The following SAMD5 variants were observed in gnomAD, a reference collection of about 807,000 sequenced individuals.
SAMD5 encodes the protein sterile alpha motif domain containing 5.
In SAMD5, 13 loss-of-function variants were observed where a neutral mutation model predicts 11.3. That is an observed-to-expected ratio of 1.15 (90% CI 0.75 to 1.83). The LOEUF (loss-of-function observed/expected upper bound fraction) is 1.83, where lower values mean the gene tolerates loss of function less well. Ranked by LOEUF, SAMD5 falls within the 40% of genes most tolerant of loss-of-function variation. The pLI is 0.00. For synonymous variants in SAMD5, 129 were observed against 111.3 expected (o/e 1.16, Z -1.00); for missense variants, 255 against 239.1 (o/e 1.07, Z -0.44).
At chr6:147,560,906 A>G (rs1049858139) in intron 1 of SAMD5, among the ~76,000 whole-genome samples, 3 of 152,164 alleles carry the variant, frequency 2.0e-5, no homozygotes, top group Non-Finnish European at 4.4e-5. Flanking sequence ...GAAAGTCACA[A>G]CCCAAGAATT....
chr6:147,912,941 G>T, the SAMD5 span, among the ~76,000 whole-genome samples: 1 of 151,892 alleles, frequency 6.6e-6, no homozygotes. Flanking sequence ...AATGAAGTTG[G>T]TTATCCTCAA....
chr6:147,605,983 T>C (rs1199068483), intron 1 of SAMD5, among the ~76,000 whole-genome samples: 3 of 152,162 alleles, frequency 2.0e-5, no homozygotes, highest in Non-Finnish European at 4.4e-5. Flanking sequence ...AGATATTTGA[T>C]GAACGCATGA....
At chr6:147,588,955 C>CATT (rs912672136) in intron 1 of SAMD5, among the ~76,000 whole-genome samples, 126 of 151,522 alleles carry the variant, frequency 8.3e-4, no homozygotes, top group African/African-American at 1.9e-3. Flanking sequence ...GTGGTCCTGG[C>CATT]ATTATTATTA....
chr6:147,657,498 GA>G (rs1470728130), intron 1 of SAMD5, among the ~76,000 whole-genome samples: 4 of 152,178 alleles, frequency 2.6e-5, no homozygotes, highest in Non-Finnish European at 5.9e-5. Flanking sequence ...AAAGAGAAAT[GA>G]AAGAGAGCAC....
the SAMD5 span, among the ~76,000 whole-genome samples, chr6:147,791,343 C>T: frequency 6.6e-6 from 1 of 152,014 alleles, no homozygotes. Context: ...GATCTCGGCT[C>T]TTTAGGTGAC....
chr6:147,879,854 G>T, the SAMD5 span, among the ~76,000 whole-genome samples: 3 of 152,194 alleles, frequency 2.0e-5, no homozygotes, highest in Non-Finnish European at 4.4e-5. Flanking sequence ...CTAACCCGTG[G>T]CATTGGACAC....
chr6:147,722,409 C>T (rs1432213147), intron 1 of SAMD5, among the ~76,000 whole-genome samples: 1 of 152,088 alleles, frequency 6.6e-6, no homozygotes, highest in Non-Finnish European at 1.5e-5. Context: ...CATGTATTTG[C>T]CAATATTTTA....
chr6:147,850,831 G>A, the SAMD5 span, among the ~76,000 whole-genome samples: 8 of 152,014 alleles, frequency 5.3e-5, no homozygotes, highest in African/African-American at 1.2e-4. Context: ...TAGCAGACTC[G>A]GTGAGCTCAG....
At chr6:147,935,445 A>G in the SAMD5 span, among the ~76,000 whole-genome samples, 2 of 152,198 alleles carry the variant, frequency 1.3e-5, no homozygotes, top group African/African-American at 4.8e-5. Context: ...ATTACTAGTA[A>G]TGTGAAGCAA....
intron 1 of SAMD5, among the ~76,000 whole-genome samples, chr6:147,676,449 T>C (rs1416675982): frequency 6.6e-6 from 1 of 152,240 alleles, no homozygotes; most frequent in Non-Finnish European, 1.5e-5. Context: ...CAGCACTCAT[T>C]ATTTTTCTAT....
chr6:147,747,081 A>G, the SAMD5 span, among the ~76,000 whole-genome samples: 8 of 152,224 alleles, frequency 5.3e-5, no homozygotes, highest in Non-Finnish European at 1.0e-4. Flanking sequence ...GGATGCTGAC[A>G]CTAAAGGTGA....
At chr6:147,899,256 C>T in the SAMD5 span, among the ~76,000 whole-genome samples, 1 of 150,734 alleles carries the variant, frequency 6.6e-6, no homozygotes, top group South Asian at 2.1e-4. Flanking sequence ...ATATTAATGA[C>T]CAGCCTTGGG....
intron 1 of SAMD5, among the ~76,000 whole-genome samples, chr6:147,708,681 A>G (rs1791357661): frequency 6.6e-6 from 1 of 152,182 alleles, no homozygotes; most frequent in Non-Finnish European, 1.5e-5. Context: ...CTTTTTATTT[A>G]AATTAGGCCC....
chr6:147,677,412 G>A (rs190720445), intron 1 of SAMD5, among the ~76,000 whole-genome samples: 44 of 152,268 alleles, frequency 2.9e-4, no homozygotes, highest in South Asian at 6.2e-4. Flanking sequence ...AAGCAGCAAT[G>A]AGTTGGTGTT....
At chr6:147,608,212 T>C (rs185135752) in intron 1 of SAMD5, among the ~76,000 whole-genome samples, 1 of 152,294 alleles carries the variant, frequency 6.6e-6, no homozygotes, top group East Asian at 1.9e-4. Context: ...GCACAAACAC[T>C]ATGGAGAGCA....
At chr6:147,604,479 G>A (rs1048367253) in intron 1 of SAMD5, among the ~76,000 whole-genome samples, 3 of 152,120 alleles carry the variant, frequency 2.0e-5, no homozygotes, top group African/African-American at 4.8e-5. Context: ...ACAAAATCAC[G>A]TTCAAGAGAG....
chr6:147,529,124 T>C (rs1232036825), intron 1 of SAMD5, among the ~76,000 whole-genome samples: 2 of 152,218 alleles, frequency 1.3e-5, no homozygotes, highest in African/African-American at 4.8e-5. Context: ...AGCAAGCACT[T>C]AGTAAACTAT....
chr6:147,768,502 A>G, the SAMD5 span, among the ~76,000 whole-genome samples: 4 of 152,100 alleles, frequency 2.6e-5, no homozygotes, highest in Non-Finnish European at 5.9e-5. Flanking sequence ...CGTCTCAAAC[A>G]AAACAAAACA....
chr6:147,676,478 T>C (rs576811524), intron 1 of SAMD5, among the ~76,000 whole-genome samples: 1 of 152,202 alleles, frequency 6.6e-6, no homozygotes, highest in East Asian at 1.9e-4. Flanking sequence ...ATAGCACTTA[T>C]TGGTAGAGTA....
Sources: gnomAD v4.1 joint callset for allele counts (sites outside exome capture counted in the v4.1 genomes callset) on GRCh38, gnomAD v4.1.1 for gene constraint, MANE v1.5 for transcripts, NCBI Gene and HGNC (gene_info 2026-07-23, HGNC 2026-07-21) for gene names.